The following DLG2 variants were observed in gnomAD, a reference collection of about 807,000 sequenced individuals.
DLG2 encodes discs large MAGUK scaffold protein 2.
In DLG2, 45 loss-of-function variants were observed where a neutral mutation model predicts 132.5. The observed-to-expected ratio is 0.34, with a 90% CI of 0.27 to 0.44. The LOEUF (loss-of-function observed/expected upper bound fraction) is 0.44. DLG2 is among the 20% of genes least tolerant of loss of function. The pLI is 1.00. For synonymous variants in DLG2, 424 were observed against 419.6 expected (o/e 1.01, Z -0.13); for missense variants, 1,045 against 1,196.9 (o/e 0.87, Z 1.87).
chr11:85,285,503 C>G (rs2078498839), intron 3 of DLG2, 138 bp from the exon 4 acceptor site: 2 of 704,124 alleles, frequency 2.8e-6, no homozygotes, highest in South Asian at 5.0e-5. Flanking sequence ...CAAAGTAAAA[C>G]AGAAGAAATC....
At chr11:85,040,629 C>T (rs972874022) in intron 6 of DLG2, among the ~76,000 whole-genome samples, 1 of 151,972 alleles carries the variant, frequency 6.6e-6, no homozygotes, top group East Asian at 1.9e-4. Context: ...TAACCTCACT[C>T]TGTTACAGAC....
intron 12 of DLG2, among the ~76,000 whole-genome samples, chr11:83,965,987 T>A (rs2090101207): frequency 6.6e-6 from 1 of 152,060 alleles, no homozygotes. Context: ...TTATGTTGCA[T>A]GACTACAGTA....
chr11:84,749,808 CCTG>C, intron 6 of DLG2, among the ~76,000 whole-genome samples: 1 of 152,170 alleles, frequency 6.6e-6, no homozygotes, highest in Non-Finnish European at 1.5e-5. Context: ...TTGGATTCCC[CCTG>C]CTGTTGGTTT....
chr11:84,987,745 T>C (rs1023331640), intron 6 of DLG2, among the ~76,000 whole-genome samples: 5 of 152,170 alleles, frequency 3.3e-5, no homozygotes, highest in African/African-American at 9.7e-5. Flanking sequence ...GATCCTCATA[T>C]CTCACCTTAT....
At chr11:84,410,441 T>A (rs1057297611) in intron 7 of DLG2, among the ~76,000 whole-genome samples, 2 of 152,068 alleles carry the variant, frequency 1.3e-5, no homozygotes, top group African/African-American at 2.4e-5. Context: ...AGTGAAGGCC[T>A]TGTGACTGGA....
At chr11:84,743,743 T>A (rs1233899459) in intron 6 of DLG2, among the ~76,000 whole-genome samples, 3 of 138,022 alleles carry the variant, frequency 2.2e-5, no homozygotes, top group Admixed American at 6.8e-5. Context: ...GAAAGAGAAT[T>A]TTCTTTTCTT....
chr11:83,720,617 C>T (rs185184273), intron 18 of DLG2, among the ~76,000 whole-genome samples: 4 of 152,200 alleles, frequency 2.6e-5, no homozygotes, highest in Non-Finnish European at 4.4e-5. Flanking sequence ...ATGCTGGTAA[C>T]CACCACACTG....
intron 4 of DLG2, among the ~76,000 whole-genome samples, chr11:85,248,942 A>G (rs1015329849): frequency 6.6e-6 from 1 of 152,084 alleles, no homozygotes; most frequent in African/African-American, 2.4e-5. Flanking sequence ...AGGTTTGCCA[A>G]TGACAGTAGA....
At chr11:83,632,632 C>CT (rs1405591038) in intron 19 of DLG2, 1 of 152,212 alleles carries the variant, frequency 6.6e-6, no homozygotes, top group Admixed American at 6.6e-5. Context: ...AATCATTTAT[C>CT]TTTTTCTGGT....
intron 6 of DLG2, among the ~76,000 whole-genome samples, chr11:84,596,328 C>T (rs1028687682): frequency 6.6e-6 from 1 of 151,784 alleles, no homozygotes; most frequent in African/African-American, 2.4e-5. Flanking sequence ...CTGCCTCAGC[C>T]TCCTAAGTAG....
intron 1 of DLG2, among the ~76,000 whole-genome samples, chr11:85,627,011 T>C (rs956692103): frequency 1.3e-5 from 2 of 152,170 alleles, no homozygotes; most frequent in Admixed American, 1.3e-4. Context: ...ACAGGTCTCA[T>C]TACTTTATAC....
chr11:84,446,723 A>G (rs987853346), intron 7 of DLG2, among the ~76,000 whole-genome samples: 22 of 152,160 alleles, frequency 1.4e-4, no homozygotes, highest in African/African-American at 5.1e-4. Flanking sequence ...TTCACAAATG[A>G]GAATCCTTTT....
intron 3 of DLG2, among the ~76,000 whole-genome samples, chr11:85,507,217 G>A (rs1039771980): frequency 6.6e-6 from 1 of 152,142 alleles, no homozygotes; most frequent in Non-Finnish European, 1.5e-5. Context: ...TACATTTAAG[G>A]TTAATAACGT....
intron 6 of DLG2, among the ~76,000 whole-genome samples, chr11:84,688,236 G>A (rs2099739784): frequency 1.3e-5 from 2 of 152,148 alleles, no homozygotes; most frequent in African/African-American, 4.8e-5. Context: ...TGACATAGCA[G>A]AAAATAGCTA....
chr11:83,670,445 T>C (rs1463409214), intron 18 of DLG2, among the ~76,000 whole-genome samples: 3 of 152,072 alleles, frequency 2.0e-5, no homozygotes, highest in African/African-American at 7.2e-5. Flanking sequence ...GTCACCATGA[T>C]AGGTTTTGGT....
chr11:84,983,945 A>G (rs551372579), intron 6 of DLG2, among the ~76,000 whole-genome samples: 1 of 152,284 alleles, frequency 6.6e-6, no homozygotes, highest in South Asian at 2.1e-4. Flanking sequence ...TCCAACAAAG[A>G]CAAAGAAAAA....
intron 3 of DLG2, among the ~76,000 whole-genome samples, chr11:85,422,802 TA>T (rs2090425018): frequency 1.3e-5 from 2 of 152,186 alleles, no homozygotes; most frequent in African/African-American, 4.8e-5. Context: ...GATTGGTTTT[TA>T]TTTCTGCTAT....
chr11:83,849,765 T>TAAAAAAA (rs67891823), intron 16 of DLG2, among the ~76,000 whole-genome samples: 6 of 148,034 alleles, frequency 4.1e-5, no homozygotes, highest in African/African-American at 1.5e-4. Flanking sequence ...TTTTTTTTTT[T>TAAAAAAA]AAAAAAAAAG....
At chr11:84,789,697 A>T (rs1277955465) in intron 6 of DLG2, among the ~76,000 whole-genome samples, 1 of 151,990 alleles carries the variant, frequency 6.6e-6, no homozygotes, top group Non-Finnish European at 1.5e-5. Context: ...TTTAACCATT[A>T]ACCATCTCTA....
Sources: allele counts gnomAD v4.1 joint callset (sites outside exome capture counted in the v4.1 genomes callset), GRCh38; gene constraint gnomAD v4.1.1; transcripts MANE v1.5; gene names NCBI Gene and HGNC (gene_info 2026-07-23, HGNC 2026-07-21).